The following PCDH15 variants were observed in gnomAD, a reference collection of about 807,000 sequenced individuals.
The protein encoded by PCDH15 is protocadherin-15.
In PCDH15, 129 loss-of-function variants were observed where a neutral mutation model predicts 178.5. The ratio of observed to expected loss-of-function variants is 0.72; its 90% CI spans 0.63 to 0.84. PCDH15 has a LOEUF of 0.84. PCDH15 is among the 40% of genes least tolerant of loss of function. The pLI is 0.00. For missense variants in PCDH15, 2,230 were observed against 2,099.9 expected (o/e 1.06, Z -1.21); for synonymous variants, 800 against 732.0 (o/e 1.09, Z -1.50).
At chr10:55,424,484 G>A (rs911502904) in intron 2 of PCDH15, among the ~76,000 whole-genome samples, 4 of 152,104 alleles carry the variant, frequency 2.6e-5, no homozygotes, top group African/African-American at 9.7e-5. Flanking sequence ...TAGCCCCAGG[G>A]CATCTTTTCT....
chr10:54,680,775 T>C (rs183844673), intron 1 of PCDH15, among the ~76,000 whole-genome samples: 5 of 152,292 alleles, frequency 3.3e-5, no homozygotes, highest in Admixed American at 2.0e-4. Flanking sequence ...CCTTCTGCCA[T>C]GATTGTGAGG....
chr10:54,837,869 A>G, intron 3 of PCDH15, among the ~76,000 whole-genome samples: 1 of 152,102 alleles, frequency 6.6e-6, no homozygotes, highest in East Asian at 1.9e-4. Flanking sequence ...AGTCCTGGCT[A>G]CAGACCCAAA....
At chr10:54,856,115 A>G (rs900569974) in intron 3 of PCDH15, among the ~76,000 whole-genome samples, 1 of 152,178 alleles carries the variant, frequency 6.6e-6, no homozygotes, top group African/African-American at 2.4e-5. Flanking sequence ...TGTAAGAAAT[A>G]TTTTTATAAT....
chr10:55,260,186 T>C (rs1423819917), intron 1 of PCDH15, among the ~76,000 whole-genome samples: 1 of 152,040 alleles, frequency 6.6e-6, no homozygotes, highest in African/African-American at 2.4e-5. Flanking sequence ...TTATCCATTA[T>C]ATGTGAAAAG....
chr10:54,826,494 A>T (rs1953134351), intron 3 of PCDH15, among the ~76,000 whole-genome samples: 1 of 151,858 alleles, frequency 6.6e-6, no homozygotes. Flanking sequence ...TATTAAAGCA[A>T]TATGTCATAT....
At chr10:55,562,908 A>G (rs758050670) in intron 2 of PCDH15, among the ~76,000 whole-genome samples, 1 of 152,032 alleles carries the variant, frequency 6.6e-6, no homozygotes, top group Non-Finnish European at 1.5e-5. Context: ...TCTCTCTGAT[A>G]CAACTCTTTT....
intron 3 of PCDH15, among the ~76,000 whole-genome samples, chr10:54,865,431 T>C (rs1021941448): frequency 6.6e-6 from 1 of 152,170 alleles, no homozygotes; most frequent in Non-Finnish European, 1.5e-5. Flanking sequence ...TTTTGAGGAT[T>C]TGGAACTCAG....
intron 6 of PCDH15, among the ~76,000 whole-genome samples, chr10:54,336,104 G>A (rs1447629170): frequency 6.6e-6 from 1 of 152,114 alleles, no homozygotes; most frequent in Non-Finnish European, 1.5e-5. Flanking sequence ...ATTTGAGGGA[G>A]ATGATTTAGG....
chr10:55,315,167 T>A (rs1403944410), intron 1 of PCDH15, among the ~76,000 whole-genome samples: 1 of 152,124 alleles, frequency 6.6e-6, no homozygotes, highest in Non-Finnish European at 1.5e-5. Flanking sequence ...TAATAGTAGA[T>A]AATAATATTT....
intron 1 of PCDH15, among the ~76,000 whole-genome samples, chr10:54,731,553 T>TATATATATATATATATAG (rs1566067279): frequency 3.7e-4 from 15 of 40,360 alleles, no homozygotes; most frequent in African/African-American, 1.1e-3. Flanking sequence ...TAGATATATA[T>TATATATATATATATATAG]ATATATATAT....
chr10:54,929,202 G>T (rs1837705569), intron 2 of PCDH15, among the ~76,000 whole-genome samples: 1 of 152,122 alleles, frequency 6.6e-6, no homozygotes, highest in Non-Finnish European at 1.5e-5. Context: ...CCAATGTTCA[G>T]CTCCTAACTC....
At chr10:54,917,842 T>A (rs1315651858) in intron 2 of PCDH15, among the ~76,000 whole-genome samples, 2 of 152,194 alleles carry the variant, frequency 1.3e-5, no homozygotes, top group Non-Finnish European at 2.9e-5. Flanking sequence ...ATTCAAATGG[T>A]TTAAAAAATA....
At chr10:54,480,137 T>A (rs1411829987) in intron 3 of PCDH15, among the ~76,000 whole-genome samples, 2 of 152,130 alleles carry the variant, frequency 1.3e-5, no homozygotes, top group East Asian at 3.8e-4. Flanking sequence ...AGTGATGCCA[T>A]CTTGGCCAGC....
intron 2 of PCDH15, chr10:54,655,428 G>GGTGTGTGTGTGTGTGT (rs371162241): frequency 8.5e-5 from 12 of 141,866 alleles, no homozygotes; most frequent in African/African-American, 1.1e-4. Context: ...TGTGTGGTGG[G>GGTGTGTGTGTGTGTGT]GTGTGTGTGT....
Position 54,909,108 on chromosome 10 carries a change from C to T in PCDH15, c.-79-11608G>A, listed in dbSNP as rs539688767. ...TGGCTGAGCCCAGGGCTTTTGTGGG[C>T]TTCCAAAAGGAGAAAATGTGTGCTG... is the stretch of plus-strand genomic sequence containing the variant. On this transcript the variant is annotated intron_variant, in intron 2 of 5. Transcript: ENST00000458638. Among the ~76,000 whole-genome samples the T allele has an allele frequency of 1.3e-3, 191 of 152,322 alleles. 1 individual carries two copies. The highest frequency in any genetic ancestry group is 4.4e-3 in the African/African-American group (183 of 41,582).
At chr10:54,666,522 C>T (rs1363034648) in intron 1 of PCDH15, among the ~76,000 whole-genome samples, 1 of 152,002 alleles carries the variant, frequency 6.6e-6, no homozygotes, top group Non-Finnish European at 1.5e-5. Flanking sequence ...TTCTAACCCC[C>T]TTCACAAAGG....
chr10:55,088,506 C>G (rs1842234354), intron 2 of PCDH15, among the ~76,000 whole-genome samples: 2 of 151,878 alleles, frequency 1.3e-5, no homozygotes, highest in Admixed American at 1.3e-4. Context: ...ATTCCTGACC[C>G]TAAGTGATAT....
At chr10:55,097,002 C>A (rs1842463226) in intron 2 of PCDH15, among the ~76,000 whole-genome samples, 1 of 152,052 alleles carries the variant, frequency 6.6e-6, no homozygotes, top group African/African-American at 2.4e-5. Flanking sequence ...ATGCACACAT[C>A]TCATTACAGT....
chr10:55,582,124 A>G (rs1189260733), intron 2 of PCDH15, among the ~76,000 whole-genome samples: 1 of 152,160 alleles, frequency 6.6e-6, no homozygotes, highest in Non-Finnish European at 1.5e-5. Flanking sequence ...GGTGCCTGAG[A>G]AAGTGTCCGG....
Sources: allele counts gnomAD v4.1 joint callset (sites outside exome capture counted in the v4.1 genomes callset), GRCh38; gene constraint gnomAD v4.1.1; transcripts MANE v1.5; gene names NCBI Gene and HGNC (gene_info 2026-07-23, HGNC 2026-07-21).